The following TMEM161A variants were observed in gnomAD, a reference collection of about 807,000 sequenced individuals.
The protein encoded by TMEM161A is adaptive response to oxidative stress protein 29.
Under a neutral mutation model 57.1 loss-of-function variants are expected in TMEM161A, and 46 were observed. The ratio of observed to expected loss-of-function variants is 0.81; its 90% CI spans 0.64 to 1.03. TMEM161A has a LOEUF of 1.03. Ranked by LOEUF, TMEM161A falls within the 50% of genes least tolerant of loss-of-function variation. The probability of loss-of-function intolerance (pLI) is 0.00; values close to 1 mark genes in which losing one functional copy is unlikely to be tolerated. For synonymous variants in TMEM161A, 288 were observed against 279.0 expected (o/e 1.03, Z -0.32); for missense variants, 601 against 621.5 (o/e 0.97, Z 0.35).
chr19:19,121,340 G>C lies in TMEM161A; in HGVS notation c.882C>G (p.His294Gln). ...WTKPIARDFL[H>Q]QPPFGETRFS... Reference sequence around the variant, plus strand: ...AACGCGTCTCCCCAAACGGCGGCTGGTGCAGGAAGTCCCGTGCAATGGGCT... The same window carrying C: ...AACGCGTCTCCCCAAACGGCGGCTGCTGCAGGAAGTCCCGTGCAATGGGCT... Residue 294 changes from histidine (H) to glutamine (Q), a missense_variant, in exon 9 of 12, where the codon CAC becomes CAG. Physicochemically the swap from His to Gln is conservative, Grantham distance 24. Transcript: ENST00000162044. The surrounding 1 kb of genome is among the most constrained non-coding windows in gnomAD (Gnocchi z 5.8). 1 of 1,586,096 alleles carries C rather than the reference G, an allele frequency of 6.3e-7. No individual in the cohort carries two copies. Among genetic ancestry groups the C allele is most frequent in the Middle Eastern group, 1.7e-4 (1 of 6,032 alleles).
At position 19,121,334 on chromosome 19, in the gene TMEM161A, C is replaced by T. The variant is rs749985286; in HGVS notation, c.888G>A (p.Pro296=). The change falls in exon 9 of 12, where the codon CCG becomes CCA. Residue 296 remains proline, a synonymous_variant. Coordinates refer to ENST00000162044, the MANE Select transcript of TMEM161A (RefSeq NM_017814.3). This position sits in a 1 kb window ranked among gnomAD's most constrained non-coding sequence, Gnocchi z 5.8. The part of the protein sequence containing the change: ...KPIARDFLHQ[P]PFGETRFSLL... ...GGGAGAAACGCGTCTCCCCAAACGG[C>T]GGCTGGTGCAGGAAGTCCCGTGCAA... 33 of 1,578,746 alleles carry T rather than the reference C, an allele frequency of 2.1e-5. No homozygotes were observed. The highest frequency in any genetic ancestry group is 2.6e-5 in the Non-Finnish European group (30 of 1,163,136).
chr19:19,121,107 A>C lies in TMEM161A; in HGVS notation c.974T>G (p.Leu325Arg). 1.9e-6 allele frequency: 3 copies of C among 1,611,728 alleles called. No homozygotes were observed. Among genetic ancestry groups the C allele is most frequent in the Non-Finnish European group, 2.5e-6 (3 of 1,179,422 alleles). The change falls in exon 10 of 12, where the codon CTG (leucine) becomes CGG (arginine). Residue 325 changes from leucine to arginine, a missense_variant. Physicochemically the swap from Leu to Arg is moderately radical, Grantham distance 102. Transcript: ENST00000162044. The surrounding 1 kb of genome is among the most constrained non-coding windows in gnomAD (Gnocchi z 5.8). ...RLWLLVVLCL[L>R]RLAVTRPHLQ... is the part of the protein sequence containing the mutation. ...GTGGGGCCGGGTCACCGCCAGCCGCAGCAGGCACAGCACCACCAGCAACCA... is the reference window on the plus strand; with the variant it reads ...GTGGGGCCGGGTCACCGCCAGCCGCCGCAGGCACAGCACCACCAGCAACCA...
chr19:19,134,815 A>G lies in TMEM161A; in HGVS notation c.76T>C (p.Ser26Pro), dbSNP rs200624876. ...TTACAGAGCAGCCAGCGCGCGAAGG[A>G]GCAGTGTGGCGCCAGCCTGTGCATG... Reference protein sequence around the residue: ...TLMHRLAPHCSFARWLLCNGS... With the variant: ...TLMHRLAPHCPFARWLLCNGS... Residue 26 changes from serine to proline, a missense_variant, in exon 2 of 12, where the codon TCC (serine) becomes CCC (proline). By Grantham distance (74) the Ser-to-Pro change is moderately conservative. Coordinates refer to ENST00000162044, the MANE Select transcript of TMEM161A (RefSeq NM_017814.3). 8.4e-5 allele frequency: 134 copies of G among 1,592,834 alleles called. No individual in the cohort carries two copies. The East Asian group carries it at 3.0e-3, about 36-fold the overall frequency.
rs1234692254 is a variant in TMEM161A, at chr19:19,121,070, G to A, written c.1011C>T (p.Tyr337=). The change falls in exon 10 of 12, where the codon TAC becomes TAT. Residue 337 remains tyrosine, a synonymous_variant. Coordinates refer to ENST00000162044, the MANE Select transcript of TMEM161A (RefSeq NM_017814.3). The surrounding 1 kb of genome is among the most constrained non-coding windows in gnomAD (Gnocchi z 5.8). ...LAVTRPHLQA[Y]LCLAKARVEQ... is the part of the protein sequence containing the mutation. ...CCACCCGGGCCTTGGCCAGGCACAGGTAGGCCTGCAGGTGGGGCCGGGTCA... is the reference window on the plus strand; with the variant it reads ...CCACCCGGGCCTTGGCCAGGCACAGATAGGCCTGCAGGTGGGGCCGGGTCA... The A allele has an allele frequency of 6.2e-7, 1 of 1,612,098 alleles. No homozygotes were observed. The highest frequency in any genetic ancestry group is 1.1e-5 in the South Asian group (1 of 91,000).
At position 19,121,749 on chromosome 19, in the gene TMEM161A, C is replaced by G; in HGVS notation, c.656+10G>C. 1 of 1,614,030 alleles carries G rather than the reference C, an allele frequency of 6.2e-7. No individual in the cohort carries two copies. Among genetic ancestry groups the G allele is most frequent in the African/African-American group, 1.3e-5 (1 of 75,020 alleles). ...TGCCCTTGCCTCCCTCCCCCATTCC[C>G]AGGACTCACGCCCAGTCCCAGCCCT... On this transcript the variant is annotated intron_variant, in intron 7 of 11. Transcript: ENST00000162044. This position sits in a 1 kb window ranked among gnomAD's most constrained non-coding sequence, Gnocchi z 5.8.
intron 1 of TMEM161A, among the ~76,000 whole-genome samples, chr19:19,136,410 T>C (rs1371323645): frequency 1.3e-5 from 2 of 152,042 alleles, no homozygotes; most frequent in Non-Finnish European, 2.9e-5. Flanking sequence ...AATCCCAGCA[T>C]GTTGGGAGGC....
At chr19:19,125,651 G>A (rs1387565836) in intron 6 of TMEM161A, among the ~76,000 whole-genome samples, 3 of 151,720 alleles carry the variant, frequency 2.0e-5, no homozygotes, top group African/African-American at 7.3e-5. Flanking sequence ...CCAGTAGCTG[G>A]GACTACAGGC....
intron 2 of TMEM161A, among the ~76,000 whole-genome samples, chr19:19,133,512 C>A (rs1176273745): frequency 4.6e-5 from 7 of 152,162 alleles, no homozygotes; most frequent in Non-Finnish European, 7.3e-5. Context: ...CCCTCTGTCA[C>A]CCAGACTGGA....
rs373223048 is a variant in TMEM161A at position 19,120,154 on chromosome 19, G to C, written c.1216C>G (p.Pro406Ala). ...GAGGATGGGTCGGGGGATAGTAGAG[G>C]AGCTGGGCCCAGGCCCCAGGAATAG... is the stretch of plus-strand genomic sequence containing the variant. The part of the protein sequence containing the change: ...GGYSWGLGPA[P>A]LLSPDPSSAS... The change falls in exon 12 of 12, where the codon CCT becomes GCT. Residue 406 changes from proline to alanine, a missense_variant. Pro to Ala is a conservative substitution (Grantham distance 27). Coordinates refer to ENST00000162044, the MANE Select transcript of TMEM161A (RefSeq NM_017814.3). The C allele has an allele frequency of 1.7e-5, 26 of 1,558,892 alleles. No homozygotes were observed. Among genetic ancestry groups the C allele is most frequent in the Non-Finnish European group, 2.1e-5 (24 of 1,150,776 alleles).
intron 3 of TMEM161A, 31 bp downstream of exon 3, chr19:19,133,099 C>A: frequency 6.2e-7 from 1 of 1,606,046 alleles, no homozygotes; most frequent in Non-Finnish European, 8.5e-7. Flanking sequence ...GCCACCCTCC[C>A]AAGGCTGGGG....
In TMEM161A at chr19:19,121,214, C is replaced by T. The variant is rs777179384; in HGVS notation, c.915-48G>A. 38 of 1,552,340 alleles carry T rather than the reference C, an allele frequency of 2.4e-5. No homozygotes were observed. Among genetic ancestry groups the T allele is most frequent in the Non-Finnish European group, 3.1e-5 (36 of 1,147,474 alleles). ...AAGGGACTAAGAAGGTCGCCCCCGA[C>T]CCCCCAGGATCTTCCCCAGGCTCCT... is the stretch of plus-strand genomic sequence containing the variant. On this transcript the variant is annotated intron_variant, in intron 9 of 11. Coordinates refer to ENST00000162044, the MANE Select transcript of TMEM161A (RefSeq NM_017814.3). The surrounding 1 kb of genome is among the most constrained non-coding windows in gnomAD (Gnocchi z 5.8).
At position 19,121,874 on chromosome 19, in the gene TMEM161A, C is replaced by T. The variant is rs2059912959; in HGVS notation, c.596-55G>A. The T allele has an allele frequency of 1.3e-6, 2 of 1,590,116 alleles. No homozygotes were observed. The highest frequency in any genetic ancestry group is 3.4e-5 in the Admixed American group (2 of 58,972). ...AGTGAATTCCTAGGGTCTCTAAGGC[C>T]ACTCTGTTCCCTAACCCCCCATCCC... On this transcript the variant is annotated intron_variant, in intron 6 of 11. Transcript: ENST00000162044. This position sits in a 1 kb window ranked among gnomAD's most constrained non-coding sequence, Gnocchi z 5.8.
chr19:19,122,604 C>T (rs1452413199), intron 6 of TMEM161A, among the ~76,000 whole-genome samples: 3 of 151,888 alleles, frequency 2.0e-5, no homozygotes, highest in Non-Finnish European at 4.4e-5. Flanking sequence ...CATGGCAAAA[C>T]CCCCATCTCT....
intron 6 of TMEM161A, among the ~76,000 whole-genome samples, chr19:19,128,568 C>T (rs1437187266): frequency 8.4e-6 from 1 of 119,620 alleles, no homozygotes. Context: ...GACGGAGTTT[C>T]ACTCTTGTTG....
At chr19:19,125,631 C>T (rs2059927207) in intron 6 of TMEM161A, among the ~76,000 whole-genome samples, 1 of 151,772 alleles carries the variant, frequency 6.6e-6, no homozygotes, top group Non-Finnish European at 1.5e-5. Flanking sequence ...ATTCTCCTGC[C>T]TCAGCCTCCC....
intron 6 of TMEM161A, among the ~76,000 whole-genome samples, chr19:19,122,068 G>A (rs976888480): frequency 7.9e-5 from 12 of 152,096 alleles, no homozygotes; most frequent in South Asian, 2.1e-4. Flanking sequence ...TGAGGCAGGC[G>A]GATCATCTGA....
At chr19:19,130,112 G>A (rs746639918) in intron 6 of TMEM161A, 44 bp downstream of exon 6, 5 of 1,606,572 alleles carry the variant, frequency 3.1e-6, no homozygotes, top group Non-Finnish European at 3.4e-6. Flanking sequence ...GATTACATGA[G>A]GGAGTGACAG....
intron 1 of TMEM161A, among the ~76,000 whole-genome samples, chr19:19,135,481 C>A (rs1388467417): frequency 6.6e-6 from 1 of 152,174 alleles, no homozygotes; most frequent in Non-Finnish European, 1.5e-5. Flanking sequence ...CTTGAAAGGG[C>A]GTCTATGCTC....
Position 19,121,120 on chromosome 19 carries a change from C to T in TMEM161A, c.961G>A (p.Val321Met). The change falls in exon 10 of 12, where the codon GTG becomes ATG. Residue 321 changes from valine (V) to methionine (M), a missense_variant. Transcript: ENST00000162044. The surrounding 1 kb of genome is among the most constrained non-coding windows in gnomAD (Gnocchi z 5.8). ...ACCGCCAGCCGCAGCAGGCACAGCA[C>T]CACCAGCAACCAGAGGCGCCCAGAG... is the stretch of plus-strand genomic sequence containing the variant. Reference protein sequence around the residue: ...FDSGRLWLLVVLCLLRLAVTR... With the variant: ...FDSGRLWLLVMLCLLRLAVTR... 2 of 1,611,150 alleles carry T rather than the reference C, an allele frequency of 1.2e-6. No homozygotes were observed. Among genetic ancestry groups the T allele is most frequent in the Non-Finnish European group, 1.7e-6 (2 of 1,179,092 alleles).
Sources: allele counts gnomAD v4.1 joint callset (sites outside exome capture counted in the v4.1 genomes callset), GRCh38; gene constraint gnomAD v4.1.1; non-coding constraint Gnocchi (gnomAD v3.1); transcripts MANE v1.5; gene names NCBI Gene and HGNC (gene_info 2026-07-23, HGNC 2026-07-21).